Variants in GFRA2 observed in about 807,000 individuals in gnomAD.
GFRA2 encodes the protein GDNF family receptor alpha 2.
Under a neutral mutation model 48.3 loss-of-function variants are expected in GFRA2, and 17 were observed. The ratio of observed to expected loss-of-function variants is 0.35; its 90% CI spans 0.24 to 0.53. The LOEUF (loss-of-function observed/expected upper bound fraction) is 0.53, where lower values mean the gene tolerates loss of function less well. Ranked by LOEUF, GFRA2 falls within the 20% of genes least tolerant of loss-of-function variation. The probability of loss-of-function intolerance (pLI) is 0.93; values close to 1 mark genes in which losing one functional copy is unlikely to be tolerated. For missense variants in GFRA2, 660 were observed against 637.3 expected (o/e 1.04, Z -0.38); for synonymous variants, 305 against 257.2 (o/e 1.19, Z -1.78).
intron 1 of GFRA2, among the ~76,000 whole-genome samples, chr8:21,786,474 G>C (rs1050331036): frequency 1.3e-5 from 2 of 152,228 alleles, no homozygotes; most frequent in South Asian, 2.1e-4. Context: ...AGAAGGCTGG[G>C]TTTTCAAGCT....
At chr8:21,706,772 T>C (rs28419461) in intron 4 of GFRA2, among the ~76,000 whole-genome samples, 6,716 of 152,290 alleles carry the variant, frequency 0.044, 498 homozygotes, top group African/African-American at 0.15. Flanking sequence ...CACAGCTCTA[T>C]GTTCCCCACT....
At chr8:21,695,133 A>G (rs1272193246) in intron 7 of GFRA2, among the ~76,000 whole-genome samples, 1 of 152,194 alleles carries the variant, frequency 6.6e-6, no homozygotes, top group Non-Finnish European at 1.5e-5. Context: ...ACGGATGTGC[A>G]CACCTGGGAA....
chr8:21,698,753 C>A (rs1012127255), intron 7 of GFRA2, among the ~76,000 whole-genome samples: 1 of 151,698 alleles, frequency 6.6e-6, no homozygotes, highest in Non-Finnish European at 1.5e-5. Flanking sequence ...GCACAGCAGA[C>A]CCCCACTCAG....
chr8:21,779,878 G>A (rs936062310), intron 2 of GFRA2, among the ~76,000 whole-genome samples: 2 of 151,718 alleles, frequency 1.3e-5, no homozygotes, highest in African/African-American at 4.8e-5. Context: ...CCAGCACCTG[G>A]AGGGAGCATT....
At chr8:21,732,357 CAG>C (rs1804240043) in intron 4 of GFRA2, among the ~76,000 whole-genome samples, 2 of 152,344 alleles carry the variant, frequency 1.3e-5, no homozygotes, top group Middle Eastern at 3.4e-3. Flanking sequence ...GTGGAGCAGC[CAG>C]CAGGTGGGAA....
intron 1 of GFRA2, 77 bp from the exon 2 acceptor site, chr8:21,782,976 T>G: frequency 7.4e-7 from 1 of 1,353,514 alleles, no homozygotes; most frequent in African/African-American, 1.4e-5. Flanking sequence ...CCTGGGGGCT[T>G]GGGCCCTGCT....
At chr8:21,783,960 C>A (rs1807143490) in intron 1 of GFRA2, among the ~76,000 whole-genome samples, 1 of 152,210 alleles carries the variant, frequency 6.6e-6, no homozygotes, top group East Asian at 1.9e-4. Flanking sequence ...AAACTCCCTT[C>A]CCCTCTATCT....
At chr8:21,809,591 T>C (rs1288689380) in intron 1 of GFRA2, among the ~76,000 whole-genome samples, 1 of 152,096 alleles carries the variant, frequency 6.6e-6, no homozygotes, top group Non-Finnish European at 1.5e-5. Context: ...CCTCCCAAAG[T>C]GCTAGGATTA....
intron 3 of GFRA2, among the ~76,000 whole-genome samples, chr8:21,766,954 G>A (rs936358196): frequency 8.7e-5 from 11 of 126,440 alleles, no homozygotes; most frequent in African/African-American, 2.5e-4. Flanking sequence ...CTCCACCACC[G>A]ACACACATAC....
chr8:21,766,295 C>G (rs1055782920), intron 3 of GFRA2, among the ~76,000 whole-genome samples: 1 of 152,050 alleles, frequency 6.6e-6, no homozygotes, highest in South Asian at 2.1e-4. Context: ...TGGCATTCAT[C>G]ACTATCTCAC....
chr8:21,779,911 T>A (rs1806890643), intron 2 of GFRA2, among the ~76,000 whole-genome samples: 2 of 152,022 alleles, frequency 1.3e-5, no homozygotes, highest in East Asian at 3.9e-4. Flanking sequence ...CGAAGGCTCA[T>A]CCCCTGGCCC....
In GFRA2 at chr8:21,705,974, C is replaced by T. The variant is rs1216993729; in HGVS notation, c.862G>A (p.Asp288Asn). The change falls in exon 5 of 9, where the codon GAC becomes AAC. Residue 288 changes from aspartate (D) to asparagine (N), a missense_variant. Transcript: ENST00000524240. ...GAGCCCAGACACGCCTGGTAATTGT[C>T]CGCAGGGCAGCTGGTGACCGTCTGG... Reference protein sequence around the residue: ...SYQTVTSCPADNYQACLGSYA... With the variant: ...SYQTVTSCPANNYQACLGSYA... 1 of 1,578,438 alleles carries T rather than the reference C, an allele frequency of 6.3e-7. No individual in the cohort carries two copies. The highest frequency in any genetic ancestry group is 1.3e-5 in the African/African-American group (1 of 74,304).
In GFRA2 at chr8:21,750,441, C is replaced by T. The variant is rs559154889; in HGVS notation, c.794+147G>A. 2 of 596,598 alleles carry T rather than the reference C, an allele frequency of 3.4e-6. No homozygotes were observed. Among genetic ancestry groups the T allele is most frequent in the African/African-American group, 1.9e-5 (1 of 53,916 alleles). 37.0% of individuals were successfully genotyped at this position (596,598 alleles called of 1,614,324 possible). Reference sequence around the variant, plus strand: ...AATGGAAAATTCATTTTGCACATGTCCAAGTCAGTTTTACCCTTTTTGACA... The same window carrying T: ...AATGGAAAATTCATTTTGCACATGTTCAAGTCAGTTTTACCCTTTTTGACA... On this transcript the variant is annotated intron_variant, in intron 4 of 8. Coordinates refer to ENST00000524240, the MANE Select transcript of GFRA2 (RefSeq NM_001495.5). The surrounding 1 kb of genome is among the most constrained non-coding windows in gnomAD (Gnocchi z 5.7).
At chr8:21,707,350 TAGA>T (rs562454474) in intron 4 of GFRA2, among the ~76,000 whole-genome samples, 3 of 152,190 alleles carry the variant, frequency 2.0e-5, no homozygotes, top group Non-Finnish European at 4.4e-5. Context: ...AAGGAACAGG[TAGA>T]AGGAGAGACA....
chr8:21,782,712 C>A lies in GFRA2; in HGVS notation c.228G>T (p.Lys76Asn). 1 of 1,596,496 alleles carries A rather than the reference C, an allele frequency of 6.3e-7. No individual in the cohort carries two copies. Among genetic ancestry groups the A allele is most frequent in the East Asian group, 2.3e-5 (1 of 43,850 alleles). ...GRDRNTMLANKECQAALEVLQ... is the reference protein window; with the variant it reads ...GRDRNTMLANNECQAALEVLQ... Reference sequence around the variant, plus strand: ...AGACCTCCAAGGCCGCCTGGCACTCCTTGTTGGCCAGCATGGTGTTGCGGT... The same window carrying A: ...AGACCTCCAAGGCCGCCTGGCACTCATTGTTGGCCAGCATGGTGTTGCGGT... Residue 76 changes from lysine (K) to asparagine (N), a missense_variant, in exon 2 of 9, where the codon AAG becomes AAT. Transcript: ENST00000524240.
At chr8:21,774,589 C>T (rs1806602597) in intron 3 of GFRA2, among the ~76,000 whole-genome samples, 3 of 152,324 alleles carry the variant, frequency 2.0e-5, no homozygotes, top group African/African-American at 7.2e-5. Flanking sequence ...ACTCCCCCAT[C>T]ACAGCTGAGG....
chr8:21,744,057 G>A (rs976478181), intron 4 of GFRA2, among the ~76,000 whole-genome samples: 3 of 152,192 alleles, frequency 2.0e-5, no homozygotes, highest in African/African-American at 7.2e-5. Flanking sequence ...ATTTAGAGAT[G>A]ATCTGCTAAA....
rs866052735 is a variant in GFRA2 at position 21,751,672 on chromosome 8, C to T, written c.440-730G>A. 2.6e-5 allele frequency among the ~76,000 whole-genome samples: 4 copies of T among 152,276 alleles called. No homozygotes were observed. In the Middle Eastern group the frequency reaches 0.01, roughly 388 times the overall value. ...GCACCACTCTCTCCACACAAGGTCC[C>T]GCAAGGTGGTGGGAAGGACTTGGGG... On this transcript the variant is annotated intron_variant, in intron 3 of 8. Transcript: ENST00000524240.
intron 3 of GFRA2, among the ~76,000 whole-genome samples, chr8:21,771,103 T>C (rs892681524): frequency 6.6e-6 from 1 of 152,136 alleles, no homozygotes; most frequent in African/African-American, 2.4e-5. Flanking sequence ...CCGTGGGCAC[T>C]GTGCCAACAT....
Sources: allele counts gnomAD v4.1 joint callset (sites outside exome capture counted in the v4.1 genomes callset), GRCh38; gene constraint gnomAD v4.1.1; non-coding constraint Gnocchi (gnomAD v3.1); transcripts MANE v1.5; gene names NCBI Gene and HGNC (gene_info 2026-07-23, HGNC 2026-07-21).